TMCC1: variants seen among roughly 807,000 people sequenced by gnomAD.
TMCC1 encodes the protein transmembrane and coiled-coil domains protein 1.
TMCC1 carries 15 observed loss-of-function variants against 52.4 expected under a neutral mutation model. That is an observed-to-expected ratio of 0.29 (90% CI 0.19 to 0.44). The LOEUF (loss-of-function observed/expected upper bound fraction) is 0.44, where lower values mean the gene tolerates loss of function less well. Among genes scored for constraint, TMCC1 ranks in the 20% least tolerant of loss-of-function variants. TMCC1 has a pLI of 1.00. For synonymous variants in TMCC1, 279 were observed against 301.9 expected (o/e 0.92, Z 0.79); for missense variants, 503 against 806.0 (o/e 0.62, Z 4.55).
chr3:129,869,474 G>T (rs2060814286), intron 2 of TMCC1, among the ~76,000 whole-genome samples: 1 of 152,174 alleles, frequency 6.6e-6, no homozygotes, highest in African/African-American at 2.4e-5. Context: ...AAGCCAGACA[G>T]AAGTGTGGGT....
intron 3 of TMCC1, among the ~76,000 whole-genome samples, chr3:129,831,571 T>C (rs924135843): frequency 2.0e-5 from 3 of 152,192 alleles, no homozygotes; most frequent in Non-Finnish European, 2.9e-5. Flanking sequence ...ATCTGCATAA[T>C]AGCAGCACTA....
chr3:129,691,240 T>G (rs192546658), intron 4 of TMCC1, among the ~76,000 whole-genome samples: 1 of 152,338 alleles, frequency 6.6e-6, no homozygotes, highest in Admixed American at 6.5e-5. Flanking sequence ...TTTGTCTATG[T>G]CGAGTGTAAT....
intron 4 of TMCC1, among the ~76,000 whole-genome samples, chr3:129,805,298 GATTGTGGGCACAGGCCACCACGCCTGGCT>G (rs1432525375): frequency 8.5e-5 from 13 of 152,216 alleles, no homozygotes; most frequent in African/African-American, 2.9e-4. Flanking sequence ...AAGTAGCTGA[GATTGTGGGCACAGGCCACCACGCCTGGCT>G]ATTGTTTTGT....
intron 2 of TMCC1, among the ~76,000 whole-genome samples, chr3:129,876,082 C>T (rs74980932): frequency 0.016 from 2,328 of 147,248 alleles, 46 homozygotes; most frequent in African/African-American, 0.056. Context: ...TGCAGTGAGC[C>T]GAGATCACAC....
intron 4 of TMCC1, among the ~76,000 whole-genome samples, chr3:129,745,779 T>C (rs2051891201): frequency 6.6e-6 from 1 of 151,460 alleles, no homozygotes; most frequent in Non-Finnish European, 1.5e-5. Context: ...CTGGCCAACA[T>C]GGTAAAACCC....
chr3:129,690,759 G>A (rs2108948175), intron 4 of TMCC1, among the ~76,000 whole-genome samples: 1 of 152,294 alleles, frequency 6.6e-6, no homozygotes, highest in Non-Finnish European at 1.5e-5. Context: ...AGCTGCCCTG[G>A]AGAGTTGTCT....
Position 129,688,428 on chromosome 3 carries a change from AC to A in TMCC1, c.577-17165del, listed in dbSNP as rs148345263. The A allele has an allele frequency of 9.0e-4, 884 of 985,520 alleles. 11 individuals carry two copies. In the African/African-American group the frequency reaches 0.014, roughly 16 times the overall value. The allele number at this position is 985,520 out of a possible 1,614,324, so 61.0% of individuals were successfully genotyped here. On this transcript the variant is annotated intron_variant, in intron 4 of 6. Coordinates refer to ENST00000393238, the MANE Select transcript of TMCC1 (RefSeq NM_001017395.5). Reference sequence around the variant, plus strand: ...GCTACCACTGGGAATGCTTTCCCCCACCAAAGAGCCGCAGTGAAGCTTCTAG... The same window carrying A: ...GCTACCACTGGGAATGCTTTCCCCCACAAAGAGCCGCAGTGAAGCTTCTAG...
chr3:129,765,711 T>C (rs898856183), intron 4 of TMCC1, among the ~76,000 whole-genome samples: 1 of 152,180 alleles, frequency 6.6e-6, no homozygotes, highest in Non-Finnish European at 1.5e-5. Context: ...ACACAGGTCA[T>C]GGTCATCAGG....
chr3:129,756,500 G>A (rs2053023443), intron 4 of TMCC1, among the ~76,000 whole-genome samples: 1 of 152,272 alleles, frequency 6.6e-6, no homozygotes, highest in African/African-American at 2.4e-5. Context: ...CCAGGTTCAA[G>A]AGATTCTCCT....
chr3:129,754,734 T>G (rs2052838549), intron 4 of TMCC1, among the ~76,000 whole-genome samples: 1 of 152,150 alleles, frequency 6.6e-6, no homozygotes, highest in African/African-American at 2.4e-5. Context: ...TAATTTAAAA[T>G]AGCCCATAAG....
intron 4 of TMCC1, chr3:129,794,253 C>T (rs540201410): frequency 1.3e-5 from 6 of 454,818 alleles, no homozygotes; most frequent in Admixed American, 7.1e-5. Flanking sequence ...AGAACAGTTC[C>T]AGAGAAAAAG....
intron 4 of TMCC1, among the ~76,000 whole-genome samples, chr3:129,802,688 A>G (rs1169399884): frequency 3.3e-5 from 5 of 152,170 alleles, no homozygotes; most frequent in Admixed American, 2.0e-4. Context: ...CTGTGAAAGG[A>G]GGAGGAAAAC....
chr3:129,774,006 A>C (rs2054822340), intron 4 of TMCC1, among the ~76,000 whole-genome samples: 1 of 152,224 alleles, frequency 6.6e-6, no homozygotes, highest in East Asian at 1.9e-4. Context: ...ATACAAAAAA[A>C]ATTAACTGTT....
chr3:129,834,843 G>C (rs1227390251), intron 2 of TMCC1, among the ~76,000 whole-genome samples: 1 of 152,140 alleles, frequency 6.6e-6, no homozygotes, highest in Non-Finnish European at 1.5e-5. Context: ...AGCTGGAAAC[G>C]TATTACGAGT....
chr3:129,798,813 C>G (rs1028979134), intron 4 of TMCC1, among the ~76,000 whole-genome samples: 2 of 152,170 alleles, frequency 1.3e-5, no homozygotes, highest in Non-Finnish European at 2.9e-5. Context: ...CTTTTAGTTA[C>G]TGTCTACATT....
At chr3:129,717,783 T>C (rs1186091317) in intron 4 of TMCC1, among the ~76,000 whole-genome samples, 1 of 152,210 alleles carries the variant, frequency 6.6e-6, no homozygotes, top group African/African-American at 2.4e-5. Flanking sequence ...ACCATGATCA[T>C]ATATTGTCTG....
chr3:129,740,851 G>A (rs1263621419), intron 4 of TMCC1, among the ~76,000 whole-genome samples: 5 of 152,114 alleles, frequency 3.3e-5, no homozygotes, highest in South Asian at 4.1e-4. Context: ...TCTAGCACAC[G>A]TACAGATAAA....
At chr3:129,862,205 G>A (rs1393980762) in intron 2 of TMCC1, among the ~76,000 whole-genome samples, 2 of 152,200 alleles carry the variant, frequency 1.3e-5, no homozygotes, top group Admixed American at 6.5e-5. Context: ...CAGGGATAGA[G>A]CAGGTGGGGT....
At position 129,893,542 on chromosome 3, in the gene TMCC1, G is replaced by GAGCTCA. The variant is rs2062086157; in HGVS notation, c.-489_-484dup. The GAGCTCA allele has an allele frequency of 6.6e-6, 1 of 152,216 alleles. No homozygotes were observed. Among genetic ancestry groups the GAGCTCA allele is most frequent in the Non-Finnish European group, 1.5e-5 (1 of 67,822 alleles). The allele number at this position is 152,216 out of a possible 1,614,324, so 9.4% of individuals were successfully genotyped here. A position where few individuals can be genotyped will look rare whatever the true frequency, so the allele number is the denominator to read the frequency against. On this transcript the variant is annotated 5_prime_UTR_variant, in exon 1 of 7. Coordinates refer to ENST00000393238, the MANE Select transcript of TMCC1 (RefSeq NM_001017395.5). ...GGCGTCTCCGCCAGCGCCGTCGCTC[G>GAGCTCA]AGCTCAAGCGCCTGCTCCTTCCACT...
Sources: allele counts gnomAD v4.1 joint callset (sites outside exome capture counted in the v4.1 genomes callset), GRCh38; gene constraint gnomAD v4.1.1; transcripts MANE v1.5; gene names NCBI Gene and HGNC (gene_info 2026-07-23, HGNC 2026-07-21).